The following ALB variants were observed in gnomAD, a reference collection of about 807,000 sequenced individuals.
The protein encoded by ALB is serum albumin.
In ALB, 37 loss-of-function variants were observed where a neutral mutation model predicts 74.5. The observed-to-expected ratio is 0.50, with a 90% CI of 0.38 to 0.65. The LOEUF (loss-of-function observed/expected upper bound fraction) is 0.65, where lower values mean the gene tolerates loss of function less well. ALB is among the 30% of genes least tolerant of loss of function. The pLI is 0.00. For synonymous variants in ALB, 249 were observed against 251.6 expected (o/e 0.99, Z 0.10); for missense variants, 685 against 718.7 (o/e 0.95, Z 0.54).
intron 2 of ALB, 61 bp downstream of exon 2, chr4:73,405,234 A>C (rs1201408807): frequency 1.4e-6 from 2 of 1,380,864 alleles, no homozygotes; most frequent in Non-Finnish European, 2.1e-6. Flanking sequence ...TATTATTCTA[A>C]AGTGCTTATA....
intron 3 of ALB, among the ~76,000 whole-genome samples, chr4:73,407,173 A>G (rs1718753652): frequency 6.6e-6 from 1 of 152,088 alleles, no homozygotes; most frequent in Non-Finnish European, 1.5e-5. Flanking sequence ...TAAGTGTACA[A>G]TCCATTATTG....
chr4:73,408,064 T>C (rs1718777244), intron 3 of ALB, among the ~76,000 whole-genome samples: 1 of 152,204 alleles, frequency 6.6e-6, no homozygotes, highest in Admixed American at 6.5e-5. Context: ...GACTCATTTA[T>C]TGGAAAGTGA....
At position 73,415,241 on chromosome 4, in the gene ALB, GA is replaced by G. The variant is rs1412498220; in HGVS notation, c.1191+76del. The stretch of plus-strand genomic sequence containing the variant: ...ATAATGAGAAAGAAAAATAATGCAA[GA>G]ATGTAAAATGATATACAGTGCAATT... On this transcript the variant is annotated intron_variant, in intron 9 of 14. Transcript: ENST00000295897. 22 of 1,548,696 alleles carry G rather than the reference GA, an allele frequency of 1.4e-5. No homozygotes were observed. In the East Asian group the frequency reaches 4.9e-4, roughly 35 times the overall value.
Position 73,416,360 on chromosome 4 carries a change from A to T in ALB, c.1289+7A>T, listed in dbSNP as rs576483233. Reference sequence around the variant, plus strand: ...AGTACAAATTCCAGAATGCGTAAGTAATTTTTATTGACTGATTTTTTTTAT... The same window carrying T: ...AGTACAAATTCCAGAATGCGTAAGTTATTTTTATTGACTGATTTTTTTTAT... On this transcript the variant is annotated splice_region_variant and intron_variant, in intron 10 of 14. Coordinates refer to ENST00000295897, the MANE Select transcript of ALB (RefSeq NM_000477.7). 6.2e-7 allele frequency: 1 copy of T among 1,601,010 alleles called. No homozygotes were observed. Among genetic ancestry groups the T allele is most frequent in the Admixed American group, 1.7e-5 (1 of 59,260 alleles).
chr4:73,419,684 G>C (rs373937594), intron 13 of ALB, 45 bp downstream of exon 13: 1 of 1,609,700 alleles, frequency 6.2e-7, no homozygotes. Flanking sequence ...ATTCATTTTT[G>C]CATGTTTGGT....
At chr4:73,412,522 C>T (rs185008783) in intron 7 of ALB, among the ~76,000 whole-genome samples, 15 of 152,256 alleles carry the variant, frequency 9.9e-5, no homozygotes, top group African/African-American at 2.9e-4. Context: ...CTTGGCTCAG[C>T]GCAACCTCTG....
chr4:73,412,726 T>C (rs1718911979), intron 7 of ALB, among the ~76,000 whole-genome samples: 3 of 152,378 alleles, frequency 2.0e-5, no homozygotes, highest in Admixed American at 6.5e-5. Context: ...ATTACAGGCA[T>C]GAGCCACCTT....
intron 7 of ALB, 157 bp downstream of exon 7, chr4:73,412,282 A>G: frequency 1.1e-6 from 1 of 933,588 alleles, no homozygotes; most frequent in Non-Finnish European, 1.7e-6. Flanking sequence ...TGGTGGTGGT[A>G]CCTTTCTGTT....
Position 73,420,333 on chromosome 4 carries a change from T to G in ALB, c.*23+12T>G, listed in dbSNP as rs1002161396. 2 of 1,562,036 alleles carry G rather than the reference T, an allele frequency of 1.3e-6. No homozygotes were observed. The highest frequency in any genetic ancestry group is 1.8e-6 in the Non-Finnish European group (2 of 1,138,744). On this transcript the variant is annotated intron_variant, in intron 14 of 14. Coordinates refer to ENST00000295897, the MANE Select transcript of ALB (RefSeq NM_000477.7). The stretch of plus-strand genomic sequence containing the variant: ...TAAAAGCATCTCAGGTAACTATATT[T>G]TGAATTTTTTAAAAAAGTAACTATA...
intron 3 of ALB, among the ~76,000 whole-genome samples, chr4:73,407,281 A>G (rs1366521337): frequency 6.6e-6 from 1 of 152,102 alleles, no homozygotes; most frequent in East Asian, 1.9e-4. Context: ...TCCCCCAGCC[A>G]CTGGCAACCA....
chr4:73,415,200 TTGAC>T (rs942884004), intron 9 of ALB, 33 bp downstream of exon 9: 4 of 1,611,884 alleles, frequency 2.5e-6, no homozygotes, highest in Non-Finnish European at 3.4e-6. Flanking sequence ...ATGTAGTTCT[TTGAC>T]TGATGATTCC....
In ALB at chr4:73,413,641, A is replaced by T. The variant is rs377348020; in HGVS notation, c.1058+7A>T. On this transcript the variant is annotated splice_region_variant and intron_variant, in intron 8 of 14. Transcript: ENST00000295897. ...AGGATGTCTTCCTGGGCATGTAAGT[A>T]GATAAGAAATTATTCTTTTATAGCT... The T allele has an allele frequency of 3.7e-6, 6 of 1,613,610 alleles. No homozygotes were observed. Among genetic ancestry groups the T allele is most frequent in the Middle Eastern group, 1.6e-4 (1 of 6,062 alleles).
intron 4 of ALB, chr4:73,409,051 A>C (rs1335154645): frequency 1.7e-6 from 1 of 574,736 alleles, no homozygotes; most frequent in African/African-American, 1.9e-5. Flanking sequence ...AAGATAGACA[A>C]ATTATTTAAT....
At chr4:73,420,403 A>G in intron 14 of ALB, 82 bp downstream of exon 14, 1 of 929,486 alleles carries the variant, frequency 1.1e-6, no homozygotes. Flanking sequence ...TCCAAGAGCC[A>G]TATAGACCAG....
intron 9 of ALB, 68 bp from the exon 10 acceptor site, chr4:73,416,188 G>A: frequency 1.7e-6 from 2 of 1,193,654 alleles, no homozygotes; most frequent in Admixed American, 3.5e-5. Context: ...TCTGACCAGA[G>A]GGGTGAAAAA....
At chr4:73,413,772 T>G (rs1198525452) in intron 8 of ALB, 138 bp downstream of exon 8, 13 of 821,320 alleles carry the variant, frequency 1.6e-5, no homozygotes, top group Non-Finnish European at 2.3e-5. Flanking sequence ...TTCCCAGGCT[T>G]TAACAATTTT....
chr4:73,417,750 AGAAG>A, intron 11 of ALB, 81 bp downstream of exon 11: 1 of 1,281,706 alleles, frequency 7.8e-7, no homozygotes, highest in Admixed American at 2.3e-5. Context: ...TTTCATAAGC[AGAAG>A]GAAGTAATGT....
intron 11 of ALB, 134 bp downstream of exon 11, chr4:73,417,803 A>ATG (rs1719052490): frequency 1.2e-6 from 1 of 867,138 alleles, no homozygotes; most frequent in Non-Finnish European, 1.7e-6. Flanking sequence ...GTGTGCATGC[A>ATG]CGTGTGTGTA....
Position 73,413,426 on chromosome 4 carries a change from C to G in ALB, c.850C>G (p.Leu284Val). 3.1e-6 allele frequency: 5 copies of G among 1,613,716 alleles called. No homozygotes were observed. The highest frequency in any genetic ancestry group is 4.2e-6 in the Non-Finnish European group (5 of 1,179,652). Reference protein sequence around the residue: ...LLECADDRADLAKYICENQDS... With the variant: ...LLECADDRADVAKYICENQDS... ...TCCACCAACTTACTTATAGGCGGAC[C>G]TTGCCAAGTATATCTGTGAAAATCA... The change falls in exon 8 of 15, where the codon CTT (leucine) becomes GTT (valine). Residue 284 changes from leucine (L) to valine (V), a missense_variant. Transcript: ENST00000295897.
Sources: gnomAD v4.1 joint callset for allele counts (sites outside exome capture counted in the v4.1 genomes callset) on GRCh38, gnomAD v4.1.1 for gene constraint, MANE v1.5 for transcripts, NCBI Gene and HGNC (gene_info 2026-07-23, HGNC 2026-07-21) for gene names.